The following IPO8 variants were observed in gnomAD, a reference collection of about 807,000 sequenced individuals.
The protein encoded by IPO8 is importin 8, also known as importin-8.
In IPO8, 65 loss-of-function variants were observed where a neutral mutation model predicts 141.2. The ratio of observed to expected loss-of-function variants is 0.46; its 90% confidence interval spans 0.38 to 0.57. The LOEUF is 0.57. Ranked by LOEUF, IPO8 falls within the 20% of genes least tolerant of loss-of-function variation. The pLI is 0.00. For synonymous variants in IPO8, 411 were observed against 420.3 expected, an observed-to-expected ratio of 0.98 and a Z score of 0.27; for missense variants, 980 against 1,246.8, an observed-to-expected ratio of 0.79 and a Z score of 3.22.
chr12:30,675,503 T>G (rs2053107389), intron 6 of IPO8, among the ~76,000 whole-genome samples: 1 of 151,912 alleles, frequency 6.6e-6, no homozygotes, highest in African/African-American at 2.4e-5. Context: ...AATTAAAGCC[T>G]AAACATCCAG....
intron 7 of IPO8, 22 bp from the exon 8 acceptor site, chr12:30,674,096 G>T: frequency 7.1e-7 from 1 of 1,402,262 alleles, no homozygotes; most frequent in Non-Finnish European, 1.0e-6. Flanking sequence ...AAGAGAAAAT[G>T]TACAAATACC....
chr12:30,691,714 A>T (rs2053292768), intron 1 of IPO8, among the ~76,000 whole-genome samples: 2 of 152,200 alleles, frequency 1.3e-5, no homozygotes, highest in Non-Finnish European at 2.9e-5. Context: ...CCCTTTCAAT[A>T]CACAGCTAGG....
chr12:30,693,017 C>G (rs2053305431), intron 1 of IPO8, among the ~76,000 whole-genome samples: 1 of 152,144 alleles, frequency 6.6e-6, no homozygotes, highest in Admixed American at 6.5e-5. Context: ...TTTACATAAA[C>G]AAATTATCTT....
At chr12:30,675,622 T>A (rs2136164655) in intron 6 of IPO8, among the ~76,000 whole-genome samples, 1 of 148,850 alleles carries the variant, frequency 6.7e-6, no homozygotes, top group South Asian at 2.1e-4. Context: ...GGTCAGGAGA[T>A]CGAGACCATC....
chr12:30,637,013 T>C lies in IPO8; in HGVS notation c.2664A>G (p.Ser888=). The change falls in exon 22 of 25, where the codon TCA becomes TCG. Residue 888 remains serine (S), a synonymous_variant. Transcript: ENST00000256079. ...CTTCCATATCAGCTTTCTCTGCTTTTGAACGATCTTCCCGGTTTACCAGTT... is the reference window on the plus strand; with the variant it reads ...CTTCCATATCAGCTTTCTCTGCTTTCGAACGATCTTCCCGGTTTACCAGTT... ...TRQLVNREDR[S]KAEKADMEEN... is the part of the protein sequence containing the mutation. 1 of 1,614,122 alleles carries C rather than the reference T, an allele frequency of 6.2e-7. No homozygotes were observed. The highest frequency in any genetic ancestry group is 8.5e-7 in the Non-Finnish European group (1 of 1,179,960).
intron 12 of IPO8, 141 bp from the exon 13 acceptor site, chr12:30,665,450 A>G (rs998220110): frequency 1.5e-6 from 1 of 655,784 alleles, no homozygotes; most frequent in African/African-American, 1.8e-5. Flanking sequence ...GCATGTTTTA[A>G]AACAAGACAA....
At chr12:30,691,308 T>C (rs1332914013) in intron 1 of IPO8, among the ~76,000 whole-genome samples, 3 of 152,054 alleles carry the variant, frequency 2.0e-5, no homozygotes, top group African/African-American at 4.8e-5. Flanking sequence ...CGAGATGGGG[T>C]TGAGCACACT....
intron 22 of IPO8, among the ~76,000 whole-genome samples, chr12:30,634,649 TA>T (rs941181152): frequency 6.6e-6 from 1 of 150,974 alleles, no homozygotes; most frequent in Non-Finnish European, 1.5e-5. Flanking sequence ...TACCTTTGTT[TA>T]AAAAAAAAGT....
intron 1 of IPO8, among the ~76,000 whole-genome samples, chr12:30,691,807 C>A (rs930072035): frequency 1.3e-5 from 2 of 152,204 alleles, no homozygotes; most frequent in Admixed American, 1.3e-4. Flanking sequence ...TTGGACACAA[C>A]TGGCATTTTA....
intron 22 of IPO8, among the ~76,000 whole-genome samples, chr12:30,636,011 AAAAAC>A (rs746075481): frequency 2.6e-5 from 4 of 152,214 alleles, no homozygotes; most frequent in South Asian, 2.1e-4. Context: ...ACAGTTAGCT[AAAAAC>A]AAAACAAAAC....
chr12:30,637,279 T>C, intron 21 of IPO8, 92 bp from the exon 22 acceptor site: 1 of 897,042 alleles, frequency 1.1e-6, no homozygotes, highest in Non-Finnish European at 1.8e-6. Flanking sequence ...GTCCAAGGCA[T>C]ACTCTAAGGT....
chr12:30,655,294 C>A (rs192914756), intron 17 of IPO8, among the ~76,000 whole-genome samples: 1 of 152,276 alleles, frequency 6.6e-6, no homozygotes, highest in African/African-American at 2.4e-5. Flanking sequence ...CAAGCCCTGG[C>A]AACCACTGGT....
Position 30,661,224 on chromosome 12 carries a change from C to T in IPO8, c.1798G>A (p.Glu600Lys), listed in dbSNP as rs781176618. ...GKVLQSDEYE[E>K]VEDKTVMAMG... ...GCCATTACTGTTTTGTCTTCAACTTCTTCATATTCATCACTTTGAAGAACT... is the reference window on the plus strand; with the variant it reads ...GCCATTACTGTTTTGTCTTCAACTTTTTCATATTCATCACTTTGAAGAACT... The change falls in exon 16 of 25, where the codon GAA becomes AAA. Residue 600 changes from glutamate (E) to lysine (K), a missense_variant. Around this residue, in one of 3 missense-constraint regions of IPO8, gnomAD observed 924 missense variants for 1,153.9 expected, o/e 0.80. Transcript: ENST00000256079. The T allele has an allele frequency of 6.3e-7, 1 of 1,598,474 alleles. No homozygotes were observed. Among genetic ancestry groups the T allele is most frequent in the East Asian group, 2.3e-5 (1 of 43,514 alleles).
chr12:30,671,175 T>A, intron 8 of IPO8, 79 bp from the exon 9 acceptor site: 1 of 857,744 alleles, frequency 1.2e-6, no homozygotes, highest in Non-Finnish European at 1.9e-6. Flanking sequence ...TGGCATGACC[T>A]AAAATTCAGA....
At chr12:30,663,800 C>A (rs887471067) in intron 13 of IPO8, 146 bp from the exon 14 acceptor site, 3 of 495,714 alleles carry the variant, frequency 6.1e-6, no homozygotes, top group Non-Finnish European at 9.7e-6. Flanking sequence ...TAGTTTCTAA[C>A]TTCTACATCC....
chr12:30,674,215 A>G, intron 7 of IPO8, 141 bp from the exon 8 acceptor site: 2 of 572,484 alleles, frequency 3.5e-6, no homozygotes, highest in South Asian at 5.6e-5. Context: ...CCCACAAGCC[A>G]CAAAATGAAA....
intron 19 of IPO8, among the ~76,000 whole-genome samples, chr12:30,651,739 T>A (rs10743727): frequency 7.9e-5 from 12 of 151,946 alleles, no homozygotes; most frequent in African/African-American, 2.7e-4. Flanking sequence ...AGCCATTATG[T>A]AGATTGTAGA....
chr12:30,687,224 G>A (rs965957501), intron 2 of IPO8, among the ~76,000 whole-genome samples: 2 of 152,134 alleles, frequency 1.3e-5, no homozygotes, highest in Non-Finnish European at 2.9e-5. Context: ...AGATTAAATA[G>A]AGCAGAAAAT....
chr12:30,690,452 T>C, intron 2 of IPO8, 44 bp downstream of exon 2: 8 of 1,087,918 alleles, frequency 7.4e-6, no homozygotes, highest in Non-Finnish European at 9.6e-6. Context: ...CTCATTCTAC[T>C]CTCACCTATA....
Sources: gnomAD v4.1 joint callset for allele counts (sites outside exome capture counted in the v4.1 genomes callset) on GRCh38, gnomAD v4.1.1 for gene constraint, gnomAD v4.1.1 regional missense constraint, MANE v1.5 for transcripts, NCBI Gene and HGNC (gene_info 2026-07-23, HGNC 2026-07-21) for gene names.